Variants in SPATA13 observed in about 807,000 individuals in gnomAD.
SPATA13 encodes spermatogenesis associated 13, also known as spermatogenesis-associated protein 13.
A neutral mutation model predicts 104.0 loss-of-function variants in SPATA13; 50 were observed. That is an observed-to-expected ratio of 0.48 (90% CI 0.38 to 0.61). The LOEUF (loss-of-function observed/expected upper bound fraction) is 0.61. Ranked by LOEUF, SPATA13 falls within the 20% of genes least tolerant of loss-of-function variation. The pLI is 0.00. For missense variants in SPATA13, 1,524 were observed against 1,690.6 expected (o/e 0.90, Z 1.73); for synonymous variants, 606 against 667.5 (o/e 0.91, Z 1.42).
At chr13:24,270,901 G>A (rs200155235) in intron 4 of SPATA13, 140 of 1,611,576 alleles carry the variant, frequency 8.7e-5, no homozygotes, top group Middle Eastern at 1.6e-4. Context: ...AGTCTGGAAA[G>A]CCTTCACTTG....
rs868728684 is a variant in SPATA13 at position 24,170,414 on chromosome 13, A to T, written c.-112+9482A>T. ...CATAGGAGTCTAGTAGCCTTTTAAA[A>T]TTTTTGTGGGTGGACACTACTCATC... is the stretch of plus-strand genomic sequence containing the variant. On this transcript the variant is annotated intron_variant, in intron 1 of 12. Coordinates refer to ENST00000382108, the MANE Select transcript of SPATA13 (RefSeq NM_001166271.3). Among the ~76,000 whole-genome samples, 95 of 152,312 alleles carry T rather than the reference A, an allele frequency of 6.2e-4. 1 individual carries two copies. Among genetic ancestry groups the T allele is most frequent in the African/African-American group, 2.3e-3 (94 of 41,582 alleles).
chr13:24,123,179 T>C, intron 3 of SPATA13: 4 of 1,275,478 alleles, frequency 3.1e-6, no homozygotes, highest in Non-Finnish European at 4.6e-6. Context: ...GCATTACAGG[T>C]CTGATGAATG....
intron 3 of SPATA13, among the ~76,000 whole-genome samples, chr13:24,114,138 G>A (rs1014412099): frequency 6.6e-6 from 1 of 152,152 alleles, no homozygotes; most frequent in Non-Finnish European, 1.5e-5. Context: ...TGGTTAGATT[G>A]TATAATTCAG....
chr13:24,270,805 C>G lies in SPATA13; in HGVS notation c.2165-13330C>G. The G allele has an allele frequency of 3.1e-6, 5 of 1,612,356 alleles. No individual in the cohort carries two copies. In the South Asian group the frequency reaches 4.4e-5, roughly 14 times the overall value. On this transcript the variant is annotated intron_variant, in intron 4 of 12. Coordinates refer to ENST00000382108, the MANE Select transcript of SPATA13 (RefSeq NM_001166271.3). ...CCTCTGTGATGCTTGGGGACCGGCT[C>G]CTCGGTCACACCCCAGTCCTGCTCT...
At chr13:24,279,743 C>T (rs1875353364) in intron 4 of SPATA13, among the ~76,000 whole-genome samples, 1 of 152,214 alleles carries the variant, frequency 6.6e-6, no homozygotes, top group Non-Finnish European at 1.5e-5. Context: ...AAGTGACTTG[C>T]ACCAAGGTCA....
At chr13:24,035,088 T>C (rs909347614) in intron 3 of SPATA13, 1 of 152,230 alleles carries the variant, frequency 6.6e-6, no homozygotes, top group African/African-American at 2.4e-5. Flanking sequence ...GCAAATAATA[T>C]CACATTCATA....
At chr13:23,980,781 AG>A (rs983106597) in intron 1 of SPATA13, among the ~76,000 whole-genome samples, 2 of 152,094 alleles carry the variant, frequency 1.3e-5, no homozygotes, top group Non-Finnish European at 2.9e-5. Flanking sequence ...TAATAGAGAA[AG>A]GGTTTCACCA....
chr13:24,108,280 G>A (rs1186202893), intron 3 of SPATA13, among the ~76,000 whole-genome samples: 2 of 152,224 alleles, frequency 1.3e-5, no homozygotes, highest in Non-Finnish European at 2.9e-5. Context: ...ACGTGAATTC[G>A]GGAGACACAT....
chr13:24,198,443 A>T (rs561273284), intron 1 of SPATA13, among the ~76,000 whole-genome samples: 1 of 152,164 alleles, frequency 6.6e-6, no homozygotes, highest in Admixed American at 6.5e-5. Context: ...ATGTTCTAGG[A>T]AGGTGAAAAA....
intron 3 of SPATA13, among the ~76,000 whole-genome samples, chr13:24,145,782 G>A (rs936957986): frequency 6.6e-6 from 1 of 152,208 alleles, no homozygotes; most frequent in Non-Finnish European, 1.5e-5. Context: ...CTAGGAGGGC[G>A]TGAAGGAGAC....
At chr13:24,103,470 G>A (rs111323329) in intron 3 of SPATA13, among the ~76,000 whole-genome samples, 40,374 of 117,422 alleles carry the variant, frequency 0.34, 6,435 homozygotes, top group Middle Eastern at 0.44. Context: ...GGGCAACAGA[G>A]CAAGACCCTG....
At chr13:24,272,248 G>A (rs1874665966) in intron 4 of SPATA13, among the ~76,000 whole-genome samples, 1 of 152,134 alleles carries the variant, frequency 6.6e-6, no homozygotes, top group Non-Finnish European at 1.5e-5. Context: ...GGAGGCCGAG[G>A]GAAGCCCGAC....
At chr13:24,200,600 TC>T (rs1467699824) in intron 1 of SPATA13, among the ~76,000 whole-genome samples, 2 of 151,912 alleles carry the variant, frequency 1.3e-5, no homozygotes, top group Non-Finnish European at 2.9e-5. Flanking sequence ...CATAAAATAT[TC>T]CTAAACAATA....
intron 3 of SPATA13, among the ~76,000 whole-genome samples, chr13:24,070,013 T>C (rs903693645): frequency 1.3e-5 from 2 of 152,136 alleles, no homozygotes; most frequent in Non-Finnish European, 2.9e-5. Flanking sequence ...AAGTAACTCA[T>C]TGGATAGAGG....
intron 3 of SPATA13, among the ~76,000 whole-genome samples, chr13:24,020,508 G>T (rs1247187981): frequency 6.6e-6 from 1 of 152,206 alleles, no homozygotes; most frequent in Non-Finnish European, 1.5e-5. Context: ...CTCAGAGGCC[G>T]TGAGAGGGAG....
At chr13:24,157,289 C>CTT (rs145430738), upstream of SPATA13, among the ~76,000 whole-genome samples, 4 of 151,288 alleles carry the variant, frequency 2.6e-5, no homozygotes, top group South Asian at 4.2e-4. Flanking sequence ...ACTCCTTTTT[C>CTT]TTTTTTTTCT....
intron 3 of SPATA13, among the ~76,000 whole-genome samples, chr13:24,136,828 T>TTATGAGAGATAAGGTCACATGC (rs1566117257): frequency 2.4e-4 from 26 of 108,062 alleles, no homozygotes; most frequent in South Asian, 1.0e-3. Flanking sequence ...TTCTTTATTT[T>TTATGAGAGATAAGGTCACATGC]ATTTATTTAT....
intron 2 of SPATA13, among the ~76,000 whole-genome samples, chr13:23,997,011 C>A (rs1875728249): frequency 6.6e-6 from 1 of 152,158 alleles, no homozygotes; most frequent in African/African-American, 2.4e-5. Flanking sequence ...TCCCAGTGCC[C>A]CATTTCTCTT....
intron 2 of SPATA13, among the ~76,000 whole-genome samples, chr13:23,993,331 T>G (rs775077133): frequency 9.2e-5 from 14 of 152,204 alleles, no homozygotes; most frequent in African/African-American, 1.2e-4. Flanking sequence ...ACATTTTAAT[T>G]AATGGTTTTA....
Sources: gnomAD v4.1 joint callset for allele counts (sites outside exome capture counted in the v4.1 genomes callset) on GRCh38, gnomAD v4.1.1 for gene constraint, MANE v1.5 for transcripts, NCBI Gene and HGNC (gene_info 2026-07-23, HGNC 2026-07-21) for gene names.